The following CLMN variants were observed in gnomAD, a reference collection of about 807,000 sequenced individuals.
CLMN encodes the protein calmin (calponin-like, transmembrane).
In CLMN, 57 loss-of-function variants were observed where a neutral mutation model predicts 92.7. The ratio of observed to expected loss-of-function variants is 0.61; its 90% CI spans 0.50 to 0.77. The LOEUF (loss-of-function observed/expected upper bound fraction) is 0.77. Among genes scored for constraint, CLMN ranks in the 30% least tolerant of loss-of-function variants. The pLI is 0.00. For synonymous variants in CLMN, 466 were observed against 470.6 expected (o/e 0.99, Z 0.13); for missense variants, 1,158 against 1,237.5 (o/e 0.94, Z 0.96).
chr14:95,195,726 G>A (rs1177369068), intron 10 of CLMN, among the ~76,000 whole-genome samples: 2 of 152,212 alleles, frequency 1.3e-5, no homozygotes, highest in Admixed American at 6.5e-5. Flanking sequence ...GTCTATAGGT[G>A]ACGTGAGAAT....
chr14:95,246,304 C>T (rs558118320), intron 1 of CLMN, among the ~76,000 whole-genome samples: 1 of 152,264 alleles, frequency 6.6e-6, no homozygotes, highest in South Asian at 2.1e-4. Context: ...ACTCAAACTA[C>T]CAATCCTAAA....
Position 95,302,132 on chromosome 14 carries a change from T to C in CLMN, c.82+17579A>G, listed in dbSNP as rs561136176. On this transcript the variant is annotated intron_variant, in intron 1 of 12. Coordinates refer to ENST00000298912, the MANE Select transcript of CLMN (RefSeq NM_024734.4). ...GGCCAACACAGTGAAACCCCATTTCTACTAAAAATACAAAAAAATTAGTGG... is the reference window on the plus strand; with the variant it reads ...GGCCAACACAGTGAAACCCCATTTCCACTAAAAATACAAAAAAATTAGTGG... 4.6e-5 allele frequency among the ~76,000 whole-genome samples: 7 copies of C among 152,264 alleles called. No homozygotes were observed. The East Asian group carries it at 1.3e-3, about 29-fold the overall frequency.
rs539529951 is a variant in CLMN, at chr14:95,182,292, A to G, written c.*9272T>C. 2.6e-5 allele frequency: 4 copies of G among 152,236 alleles called. No individual in the cohort carries two copies. The highest frequency in any genetic ancestry group is 5.9e-5 in the Non-Finnish European group (4 of 68,042). 9.4% of individuals were successfully genotyped at this position (152,236 alleles called of 1,614,324 possible). A position where few individuals can be genotyped will look rare whatever the true frequency, so the allele number is the denominator to read the frequency against. On this transcript the variant is annotated 3_prime_UTR_variant, in exon 13 of 13. Coordinates refer to ENST00000298912, the MANE Select transcript of CLMN (RefSeq NM_024734.4). ...CAGTAAAAACTTTCAGACATAGTCA[A>G]TTAAGCCCTGCACAATAAGGAAACA...
At chr14:95,305,332 T>A (rs935138264) in intron 1 of CLMN, among the ~76,000 whole-genome samples, 7 of 152,236 alleles carry the variant, frequency 4.6e-5, no homozygotes, top group Non-Finnish European at 1.0e-4. Context: ...GAGCACTGTG[T>A]GAGCCACCAC....
intron 1 of CLMN, among the ~76,000 whole-genome samples, chr14:95,308,084 G>A (rs1042378763): frequency 6.6e-6 from 1 of 152,176 alleles, no homozygotes; most frequent in South Asian, 2.1e-4. Flanking sequence ...GCTCACTTCT[G>A]CCATCATTCA....
intron 2 of CLMN, among the ~76,000 whole-genome samples, chr14:95,226,089 G>A (rs2140626618): frequency 6.6e-6 from 1 of 152,326 alleles, no homozygotes. Flanking sequence ...TTTAATCAGA[G>A]AGGCTCAGCT....
At chr14:95,222,455 A>G (rs1257227312) in intron 3 of CLMN, 14 of 415,744 alleles carry the variant, frequency 3.4e-5, no homozygotes, top group Non-Finnish European at 5.8e-5. Flanking sequence ...ATGGCATTAC[A>G]AGGCAAACCA....
At chr14:95,313,441 A>G (rs542681930) in intron 1 of CLMN, among the ~76,000 whole-genome samples, 12 of 152,376 alleles carry the variant, frequency 7.9e-5, no homozygotes, top group Non-Finnish European at 2.9e-5. Context: ...ATGTGCCAAT[A>G]AAACTTTATA....
intron 4 of CLMN, among the ~76,000 whole-genome samples, chr14:95,219,006 C>A (rs563379213): frequency 1.1e-4 from 16 of 152,222 alleles, no homozygotes. Context: ...GATCATCCCC[C>A]ATCTTCATGC....
intron 9 of CLMN, among the ~76,000 whole-genome samples, chr14:95,202,386 G>T (rs562864399): frequency 6.6e-6 from 1 of 152,154 alleles, no homozygotes; most frequent in Non-Finnish European, 1.5e-5. Flanking sequence ...ACTAATATTT[G>T]GTTTCTGTGT....
rs868166877 is a variant in CLMN at position 95,245,255 on chromosome 14, A to T, written c.83-15122T>A. Among the ~76,000 whole-genome samples the T allele has an allele frequency of 5.8e-4, 23 of 39,442 alleles. 1 individual carries two copies. The highest frequency in any genetic ancestry group is 1.2e-3 in the African/African-American group (9 of 7,260). The allele number at this position is 39,442 out of a possible 152,430, so 25.9% of individuals were successfully genotyped here. ...TATATATATTATATATATATATATA[A>T]TATATATATATATATTATATATATA... On this transcript the variant is annotated intron_variant, in intron 1 of 12. Coordinates refer to ENST00000298912, the MANE Select transcript of CLMN (RefSeq NM_024734.4).
At position 95,309,977 on chromosome 14, in the gene CLMN, A is replaced by G. The variant is rs546434348; in HGVS notation, c.82+9734T>C. 7.2e-5 allele frequency among the ~76,000 whole-genome samples: 11 copies of G among 152,370 alleles called. No individual in the cohort carries two copies. The South Asian group carries it at 1.9e-3, about 26-fold the overall frequency. On this transcript the variant is annotated intron_variant, in intron 1 of 12. Coordinates refer to ENST00000298912, the MANE Select transcript of CLMN (RefSeq NM_024734.4). ...CCAGCTAAAACCAAGGTTACAGGCAAGGTTCCTTCTCGAGATTCCAGAATC... is the reference window on the plus strand; with the variant it reads ...CCAGCTAAAACCAAGGTTACAGGCAGGGTTCCTTCTCGAGATTCCAGAATC...
intron 2 of CLMN, 137 bp downstream of exon 2, chr14:95,229,935 G>C (rs962471692): frequency 3.9e-6 from 3 of 773,816 alleles, no homozygotes; most frequent in Middle Eastern, 2.3e-4. Flanking sequence ...TAACCGGCAG[G>C]GGGAGGCACT....
At chr14:95,263,105 G>A (rs1280421892) in intron 1 of CLMN, among the ~76,000 whole-genome samples, 1 of 152,170 alleles carries the variant, frequency 6.6e-6, no homozygotes, top group Non-Finnish European at 1.5e-5. Context: ...AGACATACCC[G>A]AGACTGGCTA....
chr14:95,300,791 G>A (rs1035135405), intron 1 of CLMN, among the ~76,000 whole-genome samples: 4 of 152,188 alleles, frequency 2.6e-5, no homozygotes, highest in Admixed American at 6.5e-5. Flanking sequence ...ATCCCGATGA[G>A]ACCGGGGGGA....
Position 95,204,014 on chromosome 14 carries a change from G to A in CLMN, c.1335C>T (p.Cys445=). Residue 445 remains cysteine (C), a synonymous_variant, in exon 9 of 13, where the codon TGC becomes TGT. Coordinates refer to ENST00000298912, the MANE Select transcript of CLMN (RefSeq NM_024734.4). ...DPFCSKNLSL[C]FEGSPRVAKE... Reference sequence around the variant, plus strand: ...TTGCCACTCTTGGGCTCCCTTCAAAGCAAAGGGACAGGTTCTTACTGCAGA... The same window carrying A: ...TTGCCACTCTTGGGCTCCCTTCAAAACAAAGGGACAGGTTCTTACTGCAGA... 6.2e-7 allele frequency: 1 copy of A among 1,614,188 alleles called. No individual in the cohort carries two copies. The highest frequency in any genetic ancestry group is 8.5e-7 in the Non-Finnish European group (1 of 1,180,028).
intron 1 of CLMN, among the ~76,000 whole-genome samples, chr14:95,297,230 T>C (rs1900844397): frequency 6.6e-6 from 1 of 152,210 alleles, no homozygotes; most frequent in Non-Finnish European, 1.5e-5. Context: ...AAGGCGCTTA[T>C]GCACATCACT....
At chr14:95,241,761 A>G (rs1254261071) in intron 1 of CLMN, among the ~76,000 whole-genome samples, 1 of 152,262 alleles carries the variant, frequency 6.6e-6, no homozygotes, top group Non-Finnish European at 1.5e-5. Flanking sequence ...TCTGAAATGC[A>G]TTCATTTGAA....
Position 95,203,627 on chromosome 14 carries a change from A to C in CLMN, c.1722T>G (p.Ala574=), listed in dbSNP as rs746321979. 1 of 1,614,192 alleles carries C rather than the reference A, an allele frequency of 6.2e-7. No homozygotes were observed. Among genetic ancestry groups the C allele is most frequent in the East Asian group, 2.2e-5 (1 of 44,890 alleles). The change falls in exon 9 of 13, where the codon GCT becomes GCG. Residue 574 remains alanine (A), a synonymous_variant. Transcript: ENST00000298912. ...SKFNSDLIDF[A]STSQAFNKVP... ...CTTTGTTGAAAGCCTGGCTGGTAGA[A>C]GCAAAATCTATTAGGTCGCTGTTAA...
Sources: allele counts gnomAD v4.1 joint callset (sites outside exome capture counted in the v4.1 genomes callset), GRCh38; gene constraint gnomAD v4.1.1; transcripts MANE v1.5; gene names NCBI Gene and HGNC (gene_info 2026-07-23, HGNC 2026-07-21).